P3H2: variants seen among roughly 807,000 people sequenced by gnomAD.
P3H2 encodes prolyl 3-hydroxylase 2, also known as leprecan-like 1.
A neutral mutation model predicts 87.0 loss-of-function variants in P3H2; 80 were observed. The observed-to-expected ratio is 0.92, with a 90% CI of 0.77 to 1.11. P3H2 has a LOEUF of 1.11. Ranked by LOEUF, P3H2 falls within the 50% of genes least tolerant of loss-of-function variation. The probability of loss-of-function intolerance (pLI) is 0.00; values close to 1 mark genes in which losing one functional copy is unlikely to be tolerated. For missense variants in P3H2, 1,001 were observed against 923.9 expected (o/e 1.08, Z -1.08); for synonymous variants, 367 against 359.3 (o/e 1.02, Z -0.24).
chr3:189,987,865 A>G (rs1723755383), intron 4 of P3H2, 196 bp from the exon 5 acceptor site: 4 of 634,454 alleles, frequency 6.3e-6, no homozygotes, highest in Non-Finnish European at 1.1e-5. Flanking sequence ...AAAAGTTATT[A>G]CCTTTGGTCT....
intron 8 of P3H2, among the ~76,000 whole-genome samples, chr3:189,979,282 G>T (rs909485457): frequency 1.3e-5 from 2 of 150,788 alleles, no homozygotes; most frequent in Admixed American, 6.6e-5. Context: ...AAAAAAATTC[G>T]CTGGGCATGG....
chr3:189,993,239 T>C (rs1466999407), intron 3 of P3H2, among the ~76,000 whole-genome samples: 1 of 151,352 alleles, frequency 6.6e-6, no homozygotes, highest in Non-Finnish European at 1.5e-5. Flanking sequence ...GAAGAATTGC[T>C]TGAATCCGGG....
chr3:190,003,686 C>T (rs1724290694), intron 1 of P3H2, among the ~76,000 whole-genome samples: 1 of 152,124 alleles, frequency 6.6e-6, no homozygotes. Flanking sequence ...GTCTCTGCCT[C>T]GGGTCGAATG....
intron 1 of P3H2, among the ~76,000 whole-genome samples, chr3:190,114,312 T>G (rs989328797): frequency 4.7e-5 from 7 of 149,814 alleles, no homozygotes; most frequent in African/African-American, 9.9e-5. Context: ...GCCTCCCGAG[T>G]AGCTGGGACT....
At chr3:190,045,686 T>C (rs1312945883) in intron 1 of P3H2, among the ~76,000 whole-genome samples, 4 of 152,048 alleles carry the variant, frequency 2.6e-5, no homozygotes, top group African/African-American at 9.7e-5. Context: ...GACAGAGTAT[T>C]TTAGATAATC....
rs1234577843 is a variant in P3H2, at chr3:189,972,973, T to C, written c.1600A>G (p.Ile534Val). Residue 534 changes from isoleucine (I) to valine (V), a missense_variant, in exon 11 of 15, where the codon ATC (isoleucine) becomes GTC (valine). Ile to Val is a conservative substitution (Grantham distance 29). Coordinates refer to ENST00000319332, the MANE Select transcript of P3H2 (RefSeq NM_018192.4). The part of the protein sequence containing the change: ...PLKSARLFYD[I>V]SEKARRIVES... Reference sequence around the variant, plus strand: ...ACAATCCTTCGAGCCTTTTCGCTGATGTCATAAAACAGACGAGCGCTCTTC... The same window carrying C: ...ACAATCCTTCGAGCCTTTTCGCTGACGTCATAAAACAGACGAGCGCTCTTC... The C allele has an allele frequency of 2.5e-6, 4 of 1,613,620 alleles. No individual in the cohort carries two copies. The highest frequency in any genetic ancestry group is 1.7e-5 in the Admixed American group (1 of 59,984).
intron 1 of P3H2, among the ~76,000 whole-genome samples, chr3:190,111,952 C>T (rs564719239): frequency 2.0e-5 from 3 of 152,208 alleles, no homozygotes; most frequent in East Asian, 3.9e-4. Context: ...TTGCTGAAAT[C>T]GTTAATGTCC....
intron 1 of P3H2, among the ~76,000 whole-genome samples, chr3:190,046,431 C>T (rs1435192310): frequency 6.6e-6 from 1 of 152,154 alleles, no homozygotes; most frequent in Non-Finnish European, 1.5e-5. Flanking sequence ...GAACAGTCTA[C>T]TCAGGTATAA....
In P3H2 at chr3:190,019,798, A is replaced by ATATG. The variant is rs1553876036; in HGVS notation, c.481-24357_481-24356insCATA. ...TAGAAATTAAAAAATATATATATAT[A>ATATG]TATATATATATATATATACTCACAA... On this transcript the variant is annotated intron_variant, in intron 1 of 14. Transcript: ENST00000319332. Among the ~76,000 whole-genome samples the ATATG allele has an allele frequency of 1.5e-3, 79 of 52,954 alleles. 10 individuals carry two copies. The highest frequency in any genetic ancestry group is 3.3e-3 in the African/African-American group (78 of 23,524). The allele number at this position is 52,954 out of a possible 152,430, so 34.7% of individuals were successfully genotyped here.
chr3:190,067,916 C>T (rs1305380683), intron 1 of P3H2, among the ~76,000 whole-genome samples: 1 of 151,472 alleles, frequency 6.6e-6, no homozygotes, highest in African/African-American at 2.4e-5. Context: ...GAAAAGAAGA[C>T]CTAAGAAAAA....
intron 8 of P3H2, among the ~76,000 whole-genome samples, chr3:189,975,881 T>TC (rs1255936492): frequency 6.6e-6 from 1 of 152,214 alleles, no homozygotes; most frequent in East Asian, 1.9e-4. Flanking sequence ...AAGCAGAAGT[T>TC]CCCTAAGGAG....
chr3:190,082,660 T>C (rs1727080541), intron 1 of P3H2, among the ~76,000 whole-genome samples: 1 of 152,212 alleles, frequency 6.6e-6, no homozygotes, highest in African/African-American at 2.4e-5. Flanking sequence ...CTGAAATTTA[T>C]TCCCTTTATT....
chr3:189,983,188 T>C (rs1351110987), intron 7 of P3H2, 48 bp from the exon 8 acceptor site: 3 of 1,383,952 alleles, frequency 2.2e-6, no homozygotes, highest in East Asian at 2.3e-5. Context: ...TGAATAACGA[T>C]GTTCAAAGGC....
chr3:190,044,467 C>T (rs1725738368), intron 1 of P3H2, among the ~76,000 whole-genome samples: 2 of 152,204 alleles, frequency 1.3e-5, no homozygotes, highest in Admixed American at 1.3e-4. Context: ...GAAAACAGTT[C>T]TGACATCTGC....
intron 14 of P3H2, among the ~76,000 whole-genome samples, chr3:189,959,847 G>T (rs1192026353): frequency 6.7e-6 from 1 of 148,904 alleles, no homozygotes; most frequent in Non-Finnish European, 1.5e-5. Context: ...AACTCTCCAG[G>T]ACTGGAGGAG....
Position 189,994,329 on chromosome 3 carries a change from C to CAAAA in P3H2, c.634-47_634-46insTTTT, listed in dbSNP as rs747709186. On this transcript the variant is annotated intron_variant, in intron 2 of 14. Transcript: ENST00000319332. ...AAAAACAAACAAACAAACAAACAAA[C>CAAAA]AAACAAAAAAACCCTTATTTTCAAA... 15 of 1,509,578 alleles carry CAAAA rather than the reference C, an allele frequency of 9.9e-6. No homozygotes were observed. In the African/African-American group the frequency reaches 1.9e-4, roughly 20 times the overall value. The allele number at this position is 1,509,578 out of a possible 1,614,324, so 93.5% of individuals were successfully genotyped here.
chr3:189,957,721 AGAG>A lies in P3H2; in HGVS notation c.*188_*190del. On this transcript the variant is annotated 3_prime_UTR_variant, in exon 15 of 15. Transcript: ENST00000319332. ...TAAGAAGAGAGAGAGAGAGAGAGAG[AGAG>A]AAAACAACCCAAAACAAGAAAGATA... 6.6e-6 allele frequency: 4 copies of A among 609,976 alleles called. No homozygotes were observed. The highest frequency in any genetic ancestry group is 2.8e-5 in the Admixed American group (1 of 35,382). 37.8% of individuals were successfully genotyped at this position (609,976 alleles called of 1,614,324 possible).
intron 1 of P3H2, among the ~76,000 whole-genome samples, chr3:189,998,660 T>A (rs1338007904): frequency 6.6e-6 from 1 of 152,192 alleles, no homozygotes; most frequent in Non-Finnish European, 1.5e-5. Flanking sequence ...ACAGAGTATA[T>A]CTATGCTATG....
intron 13 of P3H2, chr3:189,969,726 T>C: frequency 1.3e-6 from 2 of 1,502,634 alleles, no homozygotes; most frequent in Non-Finnish European, 9.3e-7. Context: ...TTCCCCAAAA[T>C]TAAGACATCA....
Sources: allele counts gnomAD v4.1 joint callset (sites outside exome capture counted in the v4.1 genomes callset), GRCh38; gene constraint gnomAD v4.1.1; transcripts MANE v1.5; gene names NCBI Gene and HGNC (gene_info 2026-07-23, HGNC 2026-07-21).